The following UGGT2 variants were observed in gnomAD, a reference collection of about 807,000 sequenced individuals.
UGGT2 encodes UDP-glucose glycoprotein glucosyltransferase 2.
In UGGT2, 180 loss-of-function variants were observed where a neutral mutation model predicts 192.1. The ratio of observed to expected loss-of-function variants is 0.94; its 90% confidence interval spans 0.83 to 1.06. The LOEUF (loss-of-function observed/expected upper bound fraction) is 1.06. Ranked by LOEUF, UGGT2 falls within the 50% of genes least tolerant of loss-of-function variation. UGGT2 has a pLI of 0.00. For missense variants in UGGT2, 1,849 were observed against 1,795.7 expected (o/e 1.03, Z -0.54); for synonymous variants, 580 against 591.0 (o/e 0.98, Z 0.27).
chr13:95,922,958 CA>C (rs1355357536), intron 20 of UGGT2, among the ~76,000 whole-genome samples: 4 of 152,188 alleles, frequency 2.6e-5, no homozygotes, highest in Admixed American at 6.5e-5. Flanking sequence ...CAGATCCTCT[CA>C]AAAACTATGA....
chr13:95,866,513 A>G lies in UGGT2; in HGVS notation c.3558+826T>C, dbSNP rs1225202464. On this transcript the variant is annotated intron_variant, in intron 30 of 38. Coordinates refer to ENST00000376747, the MANE Select transcript of UGGT2 (RefSeq NM_020121.4). ...CGCTATATCCTATCCATCTGGAAGAATATTAGTACCAATTCAAGGTTCAGG... is the reference window on the plus strand; with the variant it reads ...CGCTATATCCTATCCATCTGGAAGAGTATTAGTACCAATTCAAGGTTCAGG... Among the ~76,000 whole-genome samples, 4 of 152,316 alleles carry G rather than the reference A, an allele frequency of 2.6e-5. No individual in the cohort carries two copies. In the East Asian group the frequency reaches 7.7e-4, roughly 29 times the overall value.
At chr13:95,839,135 T>C (rs2139930458) in intron 36 of UGGT2, among the ~76,000 whole-genome samples, 1 of 152,234 alleles carries the variant, frequency 6.6e-6, no homozygotes, top group Admixed American at 6.5e-5. Flanking sequence ...CTGAGTTCCA[T>C]GAGTACAGGA....
chr13:96,000,139 T>G (rs1258531269), intron 5 of UGGT2, among the ~76,000 whole-genome samples: 1 of 152,200 alleles, frequency 6.6e-6, no homozygotes, highest in East Asian at 1.9e-4. Context: ...CTCAAGGGGT[T>G]AGAAAACAAC....
chr13:95,824,233 C>T lies in UGGT2; in HGVS notation c.4528+8694G>A, dbSNP rs1223297884. ...TCACAGCTCTTAGAATTCTTTCCTT[C>T]TAGTTGATTTTAGATACCTGACAAC... is the stretch of plus-strand genomic sequence containing the variant. On this transcript the variant is annotated intron_variant, in intron 38 of 38. Coordinates refer to ENST00000376747, the MANE Select transcript of UGGT2 (RefSeq NM_020121.4). Among the ~76,000 whole-genome samples the T allele has an allele frequency of 2.1e-5, 3 of 146,128 alleles. No individual in the cohort carries two copies. The East Asian group carries it at 5.9e-4, about 29-fold the overall frequency.
intron 36 of UGGT2, among the ~76,000 whole-genome samples, chr13:95,843,076 G>A (rs1169971301): frequency 2.0e-5 from 3 of 152,186 alleles, no homozygotes; most frequent in African/African-American, 7.2e-5. Context: ...GCTACTATGA[G>A]TATTTATGTA....
At chr13:95,831,779 AAAAG>A (rs1886719927) in intron 38 of UGGT2, among the ~76,000 whole-genome samples, 1 of 152,152 alleles carries the variant, frequency 6.6e-6, no homozygotes, top group African/African-American at 2.4e-5. Flanking sequence ...CCAATTTGAT[AAAAG>A]AAATACTTAT....
At chr13:95,911,852 A>G (rs1344025192) in intron 20 of UGGT2, among the ~76,000 whole-genome samples, 1 of 152,224 alleles carries the variant, frequency 6.6e-6, no homozygotes, top group African/African-American at 2.4e-5. Context: ...ATACTGGCAA[A>G]CCAAATCCAG....
chr13:95,929,918 C>A (rs1566714899), intron 17 of UGGT2, among the ~76,000 whole-genome samples: 1 of 152,178 alleles, frequency 6.6e-6, no homozygotes, highest in Non-Finnish European at 1.5e-5. Context: ...TATATGCGTT[C>A]CCCTTCCTCC....
intron 8 of UGGT2, among the ~76,000 whole-genome samples, chr13:95,988,692 A>G (rs984589112): frequency 2.6e-5 from 4 of 152,164 alleles, no homozygotes; most frequent in African/African-American, 9.7e-5. Flanking sequence ...TTAGGTAGGT[A>G]AAGAATAGCA....
At chr13:96,038,517 A>G (rs2053071261) in intron 1 of UGGT2, among the ~76,000 whole-genome samples, 1 of 152,154 alleles carries the variant, frequency 6.6e-6, no homozygotes, top group African/African-American at 2.4e-5. Context: ...TTACCCAAGG[A>G]TCCTCTACAC....
chr13:95,888,024 T>A, intron 25 of UGGT2, 53 bp from the exon 26 acceptor site: 1 of 1,242,748 alleles, frequency 8.0e-7, no homozygotes, highest in Non-Finnish European at 1.1e-6. Context: ...ATAGCTAATA[T>A]TTATTATGTA....
intron 29 of UGGT2, among the ~76,000 whole-genome samples, chr13:95,876,108 TG>T (rs1173543243): frequency 2.6e-5 from 4 of 152,250 alleles, no homozygotes; most frequent in African/African-American, 9.6e-5. Context: ...TGCTCTCAAA[TG>T]AACATTAAAT....
chr13:95,842,064 C>A (rs903498470), intron 36 of UGGT2, among the ~76,000 whole-genome samples: 1 of 152,134 alleles, frequency 6.6e-6, no homozygotes, highest in South Asian at 2.1e-4. Flanking sequence ...TATGCCAGTA[C>A]CACTACTGGG....
intron 1 of UGGT2, among the ~76,000 whole-genome samples, chr13:96,041,994 C>T (rs942828426): frequency 6.6e-6 from 1 of 152,160 alleles, no homozygotes. Context: ...GGCCCACCCA[C>T]TGCCTGATCC....
intron 10 of UGGT2, among the ~76,000 whole-genome samples, chr13:95,980,514 G>A (rs895101898): frequency 6.6e-6 from 1 of 152,152 alleles, no homozygotes; most frequent in African/African-American, 2.4e-5. Flanking sequence ...ACACTGTTCA[G>A]GTGATGGGTG....
intron 20 of UGGT2, among the ~76,000 whole-genome samples, chr13:95,906,645 A>C (rs1319005362): frequency 1.3e-5 from 2 of 152,234 alleles, no homozygotes; most frequent in African/African-American, 4.8e-5. Flanking sequence ...GATAAATGTA[A>C]AGATATCCAC....
chr13:95,848,205 C>G (rs1888668368), intron 36 of UGGT2, among the ~76,000 whole-genome samples: 1 of 152,136 alleles, frequency 6.6e-6, no homozygotes, highest in South Asian at 2.1e-4. Flanking sequence ...GGATAACACT[C>G]CTTTATCAGA....
intron 12 of UGGT2, among the ~76,000 whole-genome samples, chr13:95,955,833 A>G (rs995204366): frequency 6.6e-6 from 1 of 152,218 alleles, no homozygotes; most frequent in Admixed American, 6.5e-5. Flanking sequence ...ACTTTAGGAA[A>G]TGTTTAAACA....
At chr13:95,852,585 T>C (rs1443203017) in intron 36 of UGGT2, among the ~76,000 whole-genome samples, 1 of 152,222 alleles carries the variant, frequency 6.6e-6, no homozygotes, top group East Asian at 1.9e-4. Context: ...GTCTGAAGTC[T>C]TAGGAGAATA....
Sources: allele counts gnomAD v4.1 joint callset (sites outside exome capture counted in the v4.1 genomes callset), GRCh38; gene constraint gnomAD v4.1.1; transcripts MANE v1.5; gene names NCBI Gene and HGNC (gene_info 2026-07-23, HGNC 2026-07-21).